PATJ: variants seen among roughly 807,000 people sequenced by gnomAD.
PATJ encodes PATJ crumbs cell polarity complex component, also known as inaD-like protein.
A neutral mutation model predicts 224.9 loss-of-function variants in PATJ; 190 were observed. The ratio of observed to expected loss-of-function variants is 0.84; its 90% CI spans 0.75 to 0.95. The LOEUF is 0.95. Among genes scored for constraint, PATJ ranks in the 40% least tolerant of loss-of-function variants. PATJ has a pLI of 0.00. For synonymous variants in PATJ, 769 were observed against 820.3 expected (o/e 0.94, Z 1.07); for missense variants, 2,121 against 2,270.3 (o/e 0.93, Z 1.34).
At chr1:61,766,725 A>AT (rs1238844767) in intron 4 of PATJ, among the ~76,000 whole-genome samples, 3 of 152,136 alleles carry the variant, frequency 2.0e-5, no homozygotes, top group Admixed American at 6.6e-5. Context: ...ATTAACATTT[A>AT]TTTTTTGAGA....
At chr1:62,150,076 T>G (rs567973514) in intron 42 of PATJ, among the ~76,000 whole-genome samples, 30 of 152,248 alleles carry the variant, frequency 2.0e-4, no homozygotes, top group Admixed American at 6.5e-4. Context: ...TCTTTGGAAA[T>G]GGGGGCTGTG....
At chr1:61,968,763 A>C (rs902648360) in intron 27 of PATJ, among the ~76,000 whole-genome samples, 2 of 152,026 alleles carry the variant, frequency 1.3e-5, no homozygotes, top group African/African-American at 4.8e-5. Context: ...CCTGTGTCCA[A>C]GTGTTCTCAT....
At chr1:61,823,706 A>G (rs1359526560) in intron 15 of PATJ, among the ~76,000 whole-genome samples, 3 of 152,212 alleles carry the variant, frequency 2.0e-5, no homozygotes, top group Non-Finnish European at 4.4e-5. Context: ...GCTTTAGCCA[A>G]GATCAGAATC....
chr1:61,946,745 C>G (rs1259079918), intron 27 of PATJ, among the ~76,000 whole-genome samples: 1 of 152,132 alleles, frequency 6.6e-6, no homozygotes. Context: ...GATACCAAAG[C>G]CTGGCAGAGA....
At chr1:62,061,668 C>CT (rs1377265008) in intron 31 of PATJ, among the ~76,000 whole-genome samples, 1 of 151,086 alleles carries the variant, frequency 6.6e-6, no homozygotes, top group African/African-American at 2.4e-5. Flanking sequence ...ACCACATTTA[C>CT]TTTTTTTTTG....
At chr1:61,997,982 T>TTATATATATATATA (rs1553236113) in intron 28 of PATJ, among the ~76,000 whole-genome samples, 1 of 118,338 alleles carries the variant, frequency 8.5e-6, no homozygotes, top group African/African-American at 3.9e-5. Context: ...TGTGCCCAGC[T>TTATATATATATATA]TATATATGTA....
chr1:62,123,131 A>G (rs568603021), intron 39 of PATJ, 73 bp downstream of exon 39: 3 of 1,050,502 alleles, frequency 2.9e-6, no homozygotes, highest in African/African-American at 3.2e-5. Context: ...ATTTTCCCCA[A>G]TACAGTTTAT....
intron 6 of PATJ, among the ~76,000 whole-genome samples, chr1:61,772,912 G>A (rs575839761): frequency 9.9e-5 from 15 of 152,146 alleles, no homozygotes; most frequent in African/African-American, 2.7e-4. Flanking sequence ...CTGCATATAC[G>A]TTCTCTGAAT....
chr1:61,848,809 A>AT (rs2148874358), intron 17 of PATJ, among the ~76,000 whole-genome samples: 1 of 152,266 alleles, frequency 6.6e-6, no homozygotes, highest in South Asian at 2.1e-4. Context: ...ATTAATTTAG[A>AT]TTTTAACTTA....
At chr1:62,127,542 A>C (rs1305677974) in intron 39 of PATJ, among the ~76,000 whole-genome samples, 1 of 152,012 alleles carries the variant, frequency 6.6e-6, no homozygotes, top group African/African-American at 2.4e-5. Context: ...AGGGTAGTTC[A>C]CGTCTGTAAT....
At chr1:61,759,806 C>G (rs1645861835) in intron 1 of PATJ, among the ~76,000 whole-genome samples, 1 of 152,166 alleles carries the variant, frequency 6.6e-6, no homozygotes. Flanking sequence ...GCCAGTTTTT[C>G]TTTCAGAGTG....
rs1371246202 is a variant in PATJ at position 61,817,704 on chromosome 1, A to G, written c.1684-5241A>G. 2.6e-5 allele frequency among the ~76,000 whole-genome samples: 4 copies of G among 152,218 alleles called. No homozygotes were observed. In the South Asian group the frequency reaches 6.2e-4, roughly 24 times the overall value. On this transcript the variant is annotated intron_variant, in intron 14 of 43. Transcript: ENST00000642238. ...ATAAAATTTTGGAAGGGTGAGAAAAACAAAACATAAATGAAGCTCTAATGG... is the reference window on the plus strand; with the variant it reads ...ATAAAATTTTGGAAGGGTGAGAAAAGCAAAACATAAATGAAGCTCTAATGG...
At chr1:61,756,314 G>C (rs1287830527) in intron 1 of PATJ, among the ~76,000 whole-genome samples, 2 of 151,986 alleles carry the variant, frequency 1.3e-5, no homozygotes, top group African/African-American at 4.8e-5. Context: ...AGAAAGTCAC[G>C]CACTTTTGCA....
At chr1:61,833,887 CTGAATCCCA>C in intron 17 of PATJ, 102 bp downstream of exon 17, 1 of 1,006,820 alleles carries the variant, frequency 9.9e-7, no homozygotes, top group Non-Finnish European at 1.4e-6. Flanking sequence ...TTAAGCAAAA[CTGAATCCCA>C]AAGATGGGAT....
intron 27 of PATJ, among the ~76,000 whole-genome samples, chr1:61,938,332 T>G (rs1677207630): frequency 6.6e-6 from 1 of 152,078 alleles, no homozygotes; most frequent in Admixed American, 6.6e-5. Context: ...ACAGCATTCT[T>G]GATTATAAAC....
At chr1:61,969,111 GT>G (rs1368107968) in intron 27 of PATJ, among the ~76,000 whole-genome samples, 1 of 151,572 alleles carries the variant, frequency 6.6e-6, no homozygotes, top group Non-Finnish European at 1.5e-5. Flanking sequence ...ACCACTTTGT[GT>G]TTTTTTCTAT....
At chr1:61,978,639 AGAAT>A (rs1479318143) in intron 27 of PATJ, among the ~76,000 whole-genome samples, 2 of 152,084 alleles carry the variant, frequency 1.3e-5, no homozygotes, top group African/African-American at 4.8e-5. Context: ...ACTAACTCAG[AGAAT>A]TAGAAGTTGG....
At chr1:61,943,203 T>A (rs2990508) in intron 27 of PATJ, among the ~76,000 whole-genome samples, 60,702 of 151,928 alleles carry the variant, frequency 0.4, 12,714 homozygotes, top group African/African-American at 0.45. Context: ...AACGCAGAAG[T>A]TGGGTGATTT....
At chr1:61,846,524 C>T (rs769371394) in intron 17 of PATJ, among the ~76,000 whole-genome samples, 4 of 152,194 alleles carry the variant, frequency 2.6e-5, no homozygotes, top group Non-Finnish European at 5.9e-5. Flanking sequence ...GTACACTTAA[C>T]ATAAAATTTA....
Sources: gnomAD v4.1 joint callset for allele counts (sites outside exome capture counted in the v4.1 genomes callset) on GRCh38, gnomAD v4.1.1 for gene constraint, MANE v1.5 for transcripts, NCBI Gene and HGNC (gene_info 2026-07-23, HGNC 2026-07-21) for gene names.